Variants in ST6GAL2 observed in about 807,000 individuals in gnomAD.
The protein encoded by ST6GAL2 is beta-galactoside alpha-2,6-sialyltransferase 2.
Under a neutral mutation model 37.5 loss-of-function variants are expected in ST6GAL2, and 24 were observed. The observed-to-expected ratio is 0.64, with a 90% CI of 0.46 to 0.90. The LOEUF (loss-of-function observed/expected upper bound fraction) is 0.90. ST6GAL2 is among the 40% of genes least tolerant of loss of function. The pLI is 0.00. For missense variants in ST6GAL2, 715 were observed against 712.7 expected, an observed-to-expected ratio of 1.00 and a Z score of -0.04; for synonymous variants, 306 against 295.1, an observed-to-expected ratio of 1.04 and a Z score of -0.38.
chr2:106,885,862 A>G (rs1678961156), intron 1 of ST6GAL2: 1 of 152,196 alleles, frequency 6.6e-6, no homozygotes, highest in South Asian at 2.1e-4. Flanking sequence ...AAAATAAAAG[A>G]TCACCTTTAC....
intron 5 of ST6GAL2, 84 bp downstream of exon 5, chr2:106,829,982 G>T: frequency 7.6e-7 from 1 of 1,311,820 alleles, no homozygotes; most frequent in Non-Finnish European, 1.1e-6. Context: ...TTTTCAACCT[G>T]TATAACACGA....
At chr2:106,884,931 A>ATG (rs1678908048) in intron 1 of ST6GAL2, among the ~76,000 whole-genome samples, 1 of 122,962 alleles carries the variant, frequency 8.1e-6, no homozygotes, top group Non-Finnish European at 1.6e-5. Context: ...ATATATATAT[A>ATG]TATACATACA....
chr2:106,872,757 A>G (rs1678327883), intron 1 of ST6GAL2, among the ~76,000 whole-genome samples: 1 of 152,068 alleles, frequency 6.6e-6, no homozygotes, highest in African/African-American at 2.4e-5. Flanking sequence ...GCCCGCCACC[A>G]CACCCAGCTG....
At chr2:106,811,687 A>T (rs895321912) in intron 5 of ST6GAL2, among the ~76,000 whole-genome samples, 1 of 152,114 alleles carries the variant, frequency 6.6e-6, no homozygotes, top group African/African-American at 2.4e-5. Flanking sequence ...CAATGCCCCA[A>T]TGCTGAGCCT....
intron 2 of ST6GAL2, among the ~76,000 whole-genome samples, chr2:106,841,005 A>G (rs1319641378): frequency 6.6e-6 from 1 of 152,240 alleles, no homozygotes; most frequent in Non-Finnish European, 1.5e-5. Flanking sequence ...TCTTCTTAAT[A>G]AATTGCAGGC....
intron 5 of ST6GAL2, among the ~76,000 whole-genome samples, chr2:106,827,098 C>A (rs1480513910): frequency 6.6e-6 from 1 of 152,150 alleles, no homozygotes; most frequent in African/African-American, 2.4e-5. Context: ...GAGGTTAGAG[C>A]ACTTGGAAAC....
intron 5 of ST6GAL2, among the ~76,000 whole-genome samples, chr2:106,815,015 G>C (rs539039640): frequency 6.6e-6 from 1 of 152,294 alleles, no homozygotes; most frequent in Admixed American, 6.5e-5. Flanking sequence ...AAATTACCCT[G>C]ATTCATGTTA....
At chr2:106,847,253 GT>G (rs1287657063) in intron 1 of ST6GAL2, among the ~76,000 whole-genome samples, 1 of 152,248 alleles carries the variant, frequency 6.6e-6, no homozygotes, top group Non-Finnish European at 1.5e-5. Context: ...GTAATGAACA[GT>G]TGTGGATGTG....
chr2:106,880,451 A>T (rs1678701926), intron 1 of ST6GAL2, among the ~76,000 whole-genome samples: 1 of 152,252 alleles, frequency 6.6e-6, no homozygotes, highest in Non-Finnish European at 1.5e-5. Context: ...AGACAATCTC[A>T]AAAGTTAGTC....
Position 106,816,217 on chromosome 2 carries a change from C to A in ST6GAL2, c.1319-9268G>T, listed in dbSNP as rs117357790. ...AAAAACTAATAAAGTAAGGCAGAGT[C>A]ATTCTCTTCCTTAAGGTTTGGTGAA... On this transcript the variant is annotated intron_variant, in intron 5 of 5. Coordinates refer to ENST00000409382, the MANE Select transcript of ST6GAL2 (RefSeq NM_001142351.2). Among the ~76,000 whole-genome samples the A allele has an allele frequency of 2.0e-5, 3 of 152,300 alleles. No individual in the cohort carries two copies. In the East Asian group the frequency reaches 5.8e-4, roughly 29 times the overall value.
Position 106,803,757 on chromosome 2 carries a change from T to C in ST6GAL2, c.*2921A>G, listed in dbSNP as rs1039639546. 6.6e-6 allele frequency: 1 copy of C among 152,182 alleles called. No individual in the cohort carries two copies. The highest frequency in any genetic ancestry group is 1.5e-5 in the Non-Finnish European group (1 of 68,054). The allele number at this position is 152,182 out of a possible 1,614,324, so 9.4% of individuals were successfully genotyped here. ...AGCTTGCACCAAGAGGATTTTTTTT[T>C]ATCAGCTTCCCTTCATAAGAGAGGA... On this transcript the variant is annotated 3_prime_UTR_variant, in exon 6 of 6. Coordinates refer to ENST00000409382, the MANE Select transcript of ST6GAL2 (RefSeq NM_001142351.2).
chr2:106,824,465 T>G (rs150883593), intron 5 of ST6GAL2, among the ~76,000 whole-genome samples: 14,514 of 152,084 alleles, frequency 0.095, 958 homozygotes, highest in African/African-American at 0.14. Flanking sequence ...ACCCCGTCTC[T>G]ACTAAGAATA....
intron 1 of ST6GAL2, among the ~76,000 whole-genome samples, chr2:106,869,283 G>A (rs1678163283): frequency 6.6e-6 from 1 of 152,080 alleles, no homozygotes; most frequent in African/African-American, 2.4e-5. Context: ...AAGGGGTGTG[G>A]GCCTCTGGCA....
At chr2:106,885,643 C>A (rs951901571) in intron 1 of ST6GAL2, among the ~76,000 whole-genome samples, 2 of 152,082 alleles carry the variant, frequency 1.3e-5, no homozygotes, top group Non-Finnish European at 2.9e-5. Context: ...GGAAAGTAAA[C>A]CCAAAAGCGG....
At chr2:106,812,037 T>C (rs1675631216) in intron 5 of ST6GAL2, among the ~76,000 whole-genome samples, 1 of 152,064 alleles carries the variant, frequency 6.6e-6, no homozygotes, top group African/African-American at 2.4e-5. Context: ...CACTCACAGG[T>C]TGAGATCCTT....
At chr2:106,837,372 T>G (rs542087730) in intron 2 of ST6GAL2, among the ~76,000 whole-genome samples, 1 of 152,330 alleles carries the variant, frequency 6.6e-6, no homozygotes, top group Non-Finnish European at 1.5e-5. Context: ...AGCCCCTGTC[T>G]CATGCATCAT....
intron 5 of ST6GAL2, chr2:106,813,144 A>C (rs191597480): frequency 7.3e-6 from 9 of 1,237,872 alleles, no homozygotes; most frequent in Non-Finnish European, 1.0e-6. Context: ...ATGGAGTCTC[A>C]CTCTGTCGTC....
At chr2:106,841,603 C>T (rs779193041) in intron 2 of ST6GAL2, among the ~76,000 whole-genome samples, 6 of 152,210 alleles carry the variant, frequency 3.9e-5, no homozygotes, top group South Asian at 2.1e-4. Context: ...AGGGGGGTTC[C>T]GGGAGCAAAG....
chr2:106,844,949 A>C (rs901222813), intron 1 of ST6GAL2, among the ~76,000 whole-genome samples: 5 of 152,186 alleles, frequency 3.3e-5, no homozygotes, highest in Admixed American at 1.3e-4. Flanking sequence ...AAACACAAAA[A>C]CATTAATAAG....
Sources: gnomAD v4.1 joint callset for allele counts (sites outside exome capture counted in the v4.1 genomes callset) on GRCh38, gnomAD v4.1.1 for gene constraint, MANE v1.5 for transcripts, NCBI Gene and HGNC (gene_info 2026-07-23, HGNC 2026-07-21) for gene names.